PRKG1: variants seen among roughly 807,000 people sequenced by gnomAD.
PRKG1 encodes the protein protein kinase cGMP-dependent 1.
PRKG1 carries 35 observed loss-of-function variants against 88.1 expected under a neutral mutation model. The observed-to-expected ratio is 0.40, with a 90% CI of 0.30 to 0.53. PRKG1 has a LOEUF of 0.53. Among genes scored for constraint, PRKG1 ranks in the 20% least tolerant of loss-of-function variants. The probability of loss-of-function intolerance (pLI) is 0.59; values close to 1 mark genes in which losing one functional copy is unlikely to be tolerated. For missense variants in PRKG1, 540 were observed against 839.8 expected (o/e 0.64, Z 4.41); for synonymous variants, 303 against 292.5 (o/e 1.04, Z -0.37).
intron 2 of PRKG1, among the ~76,000 whole-genome samples, chr10:51,316,032 A>G (rs980060226): frequency 6.6e-6 from 1 of 152,238 alleles, no homozygotes; most frequent in Admixed American, 6.5e-5. Flanking sequence ...CAATGAAAAT[A>G]CTAACCAGTA....
Position 51,805,346 on chromosome 10 carries a change from A to C in PRKG1, c.698+656A>C, listed in dbSNP as rs149610711. Among the ~76,000 whole-genome samples the C allele has an allele frequency of 5.6e-3, 857 of 152,148 alleles. 9 individuals are homozygous for C. Among genetic ancestry groups the C allele is most frequent in the African/African-American group, 0.02 (815 of 41,564 alleles). On this transcript the variant is annotated intron_variant, in intron 4 of 17. Coordinates refer to ENST00000373980, the MANE Select transcript of PRKG1 (RefSeq NM_006258.4). ...CCAGCTTTTTATTTCTTAGGAATACATTGATACTCACTGAAATGAATTTCT... is the reference window on the plus strand; with the variant it reads ...CCAGCTTTTTATTTCTTAGGAATACCTTGATACTCACTGAAATGAATTTCT...
At chr10:51,225,520 T>C (rs1410734271) in intron 2 of PRKG1, among the ~76,000 whole-genome samples, 1 of 152,216 alleles carries the variant, frequency 6.6e-6, no homozygotes, top group East Asian at 1.9e-4. Flanking sequence ...TATGCTTCAT[T>C]TCCTCAAAAC....
intron 1 of PRKG1, among the ~76,000 whole-genome samples, chr10:51,053,201 G>T (rs1843585984): frequency 6.6e-6 from 1 of 151,896 alleles, no homozygotes; most frequent in Non-Finnish European, 1.5e-5. Context: ...TTGCACTCCA[G>T]TCTGGGCGAT....
rs539192211 is a variant in PRKG1 at position 51,015,838 on chromosome 10, G to A, written c.266+24194G>A. 2.6e-5 allele frequency among the ~76,000 whole-genome samples: 4 copies of A among 152,276 alleles called. No individual in the cohort carries two copies. In the South Asian group the frequency reaches 6.2e-4, roughly 24 times the overall value. ...GAAGGTGGAGGTTGCAGTGAGCCGA[G>A]ATGGCGCCATTGCAGTTCAGCCTGG... On this transcript the variant is annotated intron_variant, in intron 1 of 17. Transcript: ENST00000401604.
intron 7 of PRKG1, among the ~76,000 whole-genome samples, chr10:52,066,190 T>C (rs549509022): frequency 6.6e-6 from 1 of 152,320 alleles, no homozygotes; most frequent in African/African-American, 2.4e-5. Flanking sequence ...TCAGCCATGA[T>C]TTTACATTGT....
At chr10:52,072,884 G>A (rs1357960561) in intron 7 of PRKG1, among the ~76,000 whole-genome samples, 1 of 152,196 alleles carries the variant, frequency 6.6e-6, no homozygotes, top group Non-Finnish European at 1.5e-5. Context: ...TCTTTGTGAT[G>A]ATGACAAAGT....
intron 5 of PRKG1, among the ~76,000 whole-genome samples, chr10:52,010,975 A>G (rs1466370604): frequency 6.6e-6 from 1 of 152,204 alleles, no homozygotes; most frequent in Non-Finnish European, 1.5e-5. Flanking sequence ...CAAATGTTCC[A>G]TATCTCCTTT....
chr10:51,684,949 G>A (rs1234043404), intron 3 of PRKG1, among the ~76,000 whole-genome samples: 1 of 151,872 alleles, frequency 6.6e-6, no homozygotes, highest in Non-Finnish European at 1.5e-5. Flanking sequence ...TCTAAGTTTT[G>A]GTTTTCATTG....
intron 3 of PRKG1, among the ~76,000 whole-genome samples, chr10:51,549,115 C>CTTTTTTTTTTTTTTTTTTTTTT (rs1842514509): frequency 1.3e-5 from 1 of 79,304 alleles, no homozygotes; most frequent in African/African-American, 4.7e-5. Flanking sequence ...TCTTTCTTTT[C>CTTTTTTTTTTTTTTTTTTTTTT]TTTTCTTTTT....
chr10:51,852,470 A>G (rs1840584579), intron 4 of PRKG1, among the ~76,000 whole-genome samples: 1 of 152,010 alleles, frequency 6.6e-6, no homozygotes, highest in Admixed American at 6.6e-5. Flanking sequence ...TAACCAAGCA[A>G]TTGAGCTCTA....
intron 2 of PRKG1, among the ~76,000 whole-genome samples, chr10:51,433,074 G>C (rs988515132): frequency 6.6e-6 from 1 of 152,106 alleles, no homozygotes; most frequent in Non-Finnish European, 1.5e-5. Flanking sequence ...AACATAGCAC[G>C]CAGTGGATTC....
intron 9 of PRKG1, among the ~76,000 whole-genome samples, chr10:52,233,957 C>T (rs1390158771): frequency 7.2e-5 from 11 of 152,094 alleles, no homozygotes; most frequent in East Asian, 1.9e-4. Context: ...CAGCACGCAG[C>T]TGGAGATCTG....
At chr10:51,345,480 G>A (rs1352916400) in intron 2 of PRKG1, among the ~76,000 whole-genome samples, 1 of 152,060 alleles carries the variant, frequency 6.6e-6, no homozygotes. Context: ...AAAACCATGG[G>A]ATGTATAGTT....
chr10:52,009,559 G>A (rs1312012076), intron 5 of PRKG1, among the ~76,000 whole-genome samples: 1 of 152,034 alleles, frequency 6.6e-6, no homozygotes, highest in African/African-American at 2.4e-5. Context: ...TCATGCCTAG[G>A]GATAGGAAGA....
chr10:51,837,251 T>C (rs11593997), intron 4 of PRKG1, among the ~76,000 whole-genome samples: 1 of 152,166 alleles, frequency 6.6e-6, no homozygotes, highest in Non-Finnish European at 1.5e-5. Context: ...TGGTAGTTAG[T>C]AAGTTTTATA....
chr10:51,487,090 A>G (rs1840568365), intron 3 of PRKG1, among the ~76,000 whole-genome samples: 1 of 152,114 alleles, frequency 6.6e-6, no homozygotes, highest in Non-Finnish European at 1.5e-5. Context: ...AAGGGGAAAA[A>G]GCAAAGTGTA....
chr10:52,018,309 C>T (rs1368356228), intron 5 of PRKG1, among the ~76,000 whole-genome samples: 2 of 152,060 alleles, frequency 1.3e-5, no homozygotes, highest in African/African-American at 2.4e-5. Flanking sequence ...ACTGTGTACT[C>T]TTAATATTTA....
chr10:51,240,102 G>T (rs1839111654), intron 2 of PRKG1, among the ~76,000 whole-genome samples: 1 of 152,122 alleles, frequency 6.6e-6, no homozygotes, highest in Non-Finnish European at 1.5e-5. Flanking sequence ...ATATATTAAA[G>T]ACTCTACCTT....
intron 4 of PRKG1, among the ~76,000 whole-genome samples, chr10:51,839,785 T>C (rs1054636891): frequency 2.0e-5 from 3 of 152,194 alleles, no homozygotes; most frequent in African/African-American, 7.2e-5. Flanking sequence ...CTATAACTTC[T>C]CACTGACCCA....
Sources: allele counts gnomAD v4.1 joint callset (sites outside exome capture counted in the v4.1 genomes callset), GRCh38; gene constraint gnomAD v4.1.1; transcripts MANE v1.5; gene names NCBI Gene and HGNC (gene_info 2026-07-23, HGNC 2026-07-21).